The following LRBA variants were observed in gnomAD, a reference collection of about 807,000 sequenced individuals.
The protein encoded by LRBA is LPS responsive beige-like anchor protein.
Under a neutral mutation model 330.0 loss-of-function variants are expected in LRBA, and 176 were observed. The ratio of observed to expected loss-of-function variants is 0.53; its 90% confidence interval spans 0.47 to 0.60. The LOEUF (loss-of-function observed/expected upper bound fraction) is 0.60. Among genes scored for constraint, LRBA ranks in the 20% least tolerant of loss-of-function variants. The probability of loss-of-function intolerance (pLI) is 0.00; values close to 1 mark genes in which losing one functional copy is unlikely to be tolerated. For missense variants in LRBA, 3,259 were observed against 3,444.8 expected (o/e 0.95, Z 1.35); for synonymous variants, 1,230 against 1,193.0 (o/e 1.03, Z -0.64).
chr4:150,357,907 T>A (rs1738106214), intron 47 of LRBA, among the ~76,000 whole-genome samples: 1 of 152,116 alleles, frequency 6.6e-6, no homozygotes, highest in African/African-American at 2.4e-5. Flanking sequence ...GAGCCATGTA[T>A]TTGCTGCTAA....
chr4:150,333,762 G>A (rs190744899), intron 48 of LRBA, among the ~76,000 whole-genome samples: 14 of 152,168 alleles, frequency 9.2e-5, no homozygotes, highest in East Asian at 5.8e-4. Flanking sequence ...CTTTAGCTTC[G>A]ATATCAGTTA....
At chr4:150,596,118 G>A (rs980797190) in intron 38 of LRBA, among the ~76,000 whole-genome samples, 6 of 151,816 alleles carry the variant, frequency 4.0e-5, no homozygotes, top group African/African-American at 1.2e-4. Context: ...CCACTTTGGA[G>A]GGTCTCTGCT....
chr4:150,848,489 G>A lies in LRBA; in HGVS notation c.4339+329C>T, dbSNP rs187732295. ...CAGCTACTAGGAAGGATAAGGAGGC[G>A]GGATCACTTGAGCCCAGGATTTTGA... is the stretch of plus-strand genomic sequence containing the variant. On this transcript the variant is annotated intron_variant, in intron 26 of 56. Coordinates refer to ENST00000651943, the MANE Select transcript of LRBA (RefSeq NM_001364905.1). Among the ~76,000 whole-genome samples the A allele has an allele frequency of 4.2e-3, 634 of 150,924 alleles. 4 individuals carry two copies. Among genetic ancestry groups the A allele is most frequent in the African/African-American group, 0.015 (611 of 41,016 alleles).
At chr4:150,770,612 CACAT>C (rs1294212436) in intron 34 of LRBA, among the ~76,000 whole-genome samples, 7 of 148,674 alleles carry the variant, frequency 4.7e-5, no homozygotes, top group Non-Finnish European at 9.0e-5. Flanking sequence ...CACACACAAA[CACAT>C]ATACACACAC....
intron 2 of LRBA, among the ~76,000 whole-genome samples, chr4:150,989,198 G>A (rs1401128422): frequency 2.0e-5 from 3 of 151,722 alleles, no homozygotes; most frequent in African/African-American, 4.8e-5. Flanking sequence ...TAGAGATGGG[G>A]TTTCGCCATG....
At chr4:150,403,359 C>A (rs974963560) in intron 47 of LRBA, among the ~76,000 whole-genome samples, 1 of 152,184 alleles carries the variant, frequency 6.6e-6, no homozygotes, top group Non-Finnish European at 1.5e-5. Context: ...GCCCATTAGC[C>A]TCACTTCTCT....
intron 36 of LRBA, among the ~76,000 whole-genome samples, chr4:150,684,880 C>T (rs1191638777): frequency 6.6e-6 from 1 of 152,098 alleles, no homozygotes; most frequent in Non-Finnish European, 1.5e-5. Flanking sequence ...TAGATTGCTG[C>T]CACGCACTAC....
At chr4:150,543,237 T>C (rs1174510405) in intron 40 of LRBA, among the ~76,000 whole-genome samples, 1 of 152,176 alleles carries the variant, frequency 6.6e-6, no homozygotes, top group East Asian at 1.9e-4. Flanking sequence ...GTCATTCTTA[T>C]CTCTGTATAC....
intron 39 of LRBA, among the ~76,000 whole-genome samples, chr4:150,588,687 T>A (rs6835367): frequency 6.6e-6 from 1 of 152,096 alleles, no homozygotes; most frequent in Admixed American, 6.5e-5. Flanking sequence ...AGAGATTTTA[T>A]GCCAGCTTGA....
At chr4:150,851,861 G>T in intron 23 of LRBA, 24 bp downstream of exon 23, 1 of 1,567,094 alleles carries the variant, frequency 6.4e-7, no homozygotes, top group South Asian at 1.2e-5. Context: ...AAAAGTACTT[G>T]AATAAGACAA....
chr4:150,293,493 T>C lies in LRBA; in HGVS notation c.8018-7459A>G, dbSNP rs370010278. ...AAAAATCACAATTTGATTAGACATA[T>C]AGACTATAGATGATAAGCCATAGCT... On this transcript the variant is annotated intron_variant, in intron 53 of 56. Transcript: ENST00000651943. Among the ~76,000 whole-genome samples, 7 of 152,300 alleles carry C rather than the reference T, an allele frequency of 4.6e-5. No homozygotes were observed. In the South Asian group the frequency reaches 8.3e-4, roughly 18 times the overall value.
intron 2 of LRBA, among the ~76,000 whole-genome samples, chr4:150,957,163 C>T (rs1737629503): frequency 6.7e-6 from 1 of 148,594 alleles, no homozygotes; most frequent in African/African-American, 2.6e-5. Flanking sequence ...GAAGGAGTAG[C>T]TTGTATTAGT....
chr4:150,590,038 CT>C, intron 39 of LRBA, among the ~76,000 whole-genome samples: 1 of 152,224 alleles, frequency 6.6e-6, no homozygotes, highest in East Asian at 1.9e-4. Context: ...AAATGGAATA[CT>C]ATGTAATTTT....
chr4:150,907,639 A>T (rs1731497499), intron 11 of LRBA, among the ~76,000 whole-genome samples: 1 of 152,180 alleles, frequency 6.6e-6, no homozygotes, highest in African/African-American at 2.4e-5. Context: ...ATGTAAAAGT[A>T]TTTAAATTTC....
chr4:150,822,930 A>G (rs888574471), intron 30 of LRBA, among the ~76,000 whole-genome samples: 1 of 152,170 alleles, frequency 6.6e-6, no homozygotes, highest in East Asian at 1.9e-4. Context: ...CAGTAATCAC[A>G]GCTTAAACCG....
At chr4:150,406,803 C>G (rs988562475) in intron 47 of LRBA, among the ~76,000 whole-genome samples, 1 of 151,728 alleles carries the variant, frequency 6.6e-6, no homozygotes, top group African/African-American at 2.4e-5. Context: ...TTTTTGGAGA[C>G]GGAATCTCAC....
intron 36 of LRBA, chr4:150,721,513 GT>G (rs878902907): frequency 0.014 from 2,703 of 194,442 alleles, no homozygotes; most frequent in South Asian, 0.03. Flanking sequence ...GAAGAACTGG[GT>G]TTTTTTTTTT....
intron 36 of LRBA, among the ~76,000 whole-genome samples, chr4:150,708,797 TA>T (rs1785894067): frequency 6.6e-6 from 1 of 151,854 alleles, no homozygotes; most frequent in Non-Finnish European, 1.5e-5. Flanking sequence ...AAAGGCTATA[TA>T]ATAGAGACAA....
intron 37 of LRBA, among the ~76,000 whole-genome samples, chr4:150,652,418 T>C (rs1779789947): frequency 6.6e-6 from 1 of 152,196 alleles, no homozygotes; most frequent in African/African-American, 2.4e-5. Context: ...TCCAGCTTTT[T>C]TGCATTCTGA....
Sources: gnomAD v4.1 joint callset for allele counts (sites outside exome capture counted in the v4.1 genomes callset) on GRCh38, gnomAD v4.1.1 for gene constraint, MANE v1.5 for transcripts, NCBI Gene and HGNC (gene_info 2026-07-23, HGNC 2026-07-21) for gene names.